PCDHGA9: variants seen among roughly 807,000 people sequenced by gnomAD.
The protein encoded by PCDHGA9 is protocadherin gamma-A9.
In PCDHGA9, 37 loss-of-function variants were observed where a neutral mutation model predicts 62.5. The observed-to-expected ratio is 0.59, with a 90% CI of 0.46 to 0.78. The LOEUF is 0.78. PCDHGA9 is among the 30% of genes least tolerant of loss of function. PCDHGA9 has a pLI of 0.00. For synonymous variants in PCDHGA9, 459 were observed against 484.6 expected (o/e 0.95, Z 0.69); for missense variants, 1,138 against 1,166.2 (o/e 0.98, Z 0.35).
intron 1 of PCDHGA9, chr5:141,424,465 A>G (rs564844819): frequency 1.3e-5 from 2 of 152,146 alleles, no homozygotes; most frequent in Admixed American, 6.5e-5. Context: ...ATTTCCTTTT[A>G]TTCTTTTACT....
intron 2 of PCDHGA9, among the ~76,000 whole-genome samples, chr5:141,501,223 T>G (rs1247662371): frequency 6.6e-6 from 1 of 151,280 alleles, no homozygotes; most frequent in African/African-American, 2.4e-5. Flanking sequence ...CTTCCTAGAT[T>G]TCTCAGTTTT....
In PCDHGA9 at chr5:141,431,304, T is replaced by G. The variant is rs749116196; in HGVS notation, c.2424+25928T>G. The G allele has an allele frequency of 7.4e-6, 12 of 1,614,104 alleles. No individual in the cohort carries two copies. Among genetic ancestry groups the G allele is most frequent in the Non-Finnish European group, 9.3e-6 (11 of 1,180,030 alleles). On this transcript the variant is annotated intron_variant, in intron 1 of 3. Coordinates refer to ENST00000573521, the MANE Select transcript of PCDHGA9 (RefSeq NM_018921.3). The surrounding 1 kb of genome is among the most constrained non-coding windows in gnomAD (Gnocchi z 4.8). ...CCGAACACTCACTTCTCCCTCATCGTGCAAAATGGAGCCGACGGTAGTAAG... is the reference window on the plus strand; with the variant it reads ...CCGAACACTCACTTCTCCCTCATCGGGCAAAATGGAGCCGACGGTAGTAAG...
At chr5:141,421,352 A>T in intron 1 of PCDHGA9, 1 of 1,613,946 alleles carries the variant, frequency 6.2e-7, no homozygotes, top group Non-Finnish European at 8.5e-7. Context: ...GAGACCGAAA[A>T]GGGCTCCTTC....
intron 1 of PCDHGA9, chr5:141,428,912 T>C (rs1010303812): frequency 6.6e-6 from 1 of 151,946 alleles, no homozygotes; most frequent in Non-Finnish European, 1.5e-5. Context: ...TGGAGTGCAG[T>C]GGCATGATCT....
At chr5:141,416,794 G>A (rs1002101061) in intron 1 of PCDHGA9, 1 of 152,070 alleles carries the variant, frequency 6.6e-6, no homozygotes, top group East Asian at 1.9e-4. Flanking sequence ...ACTAAATGTG[G>A]TAGTATAAAG....
chr5:141,420,199 C>T (rs764130526), intron 1 of PCDHGA9: 12 of 1,613,362 alleles, frequency 7.4e-6, no homozygotes, highest in Non-Finnish European at 1.0e-5. Context: ...CACAAGATAA[C>T]CTCAACAAAG....
chr5:141,500,148 G>T (rs936567158), intron 2 of PCDHGA9, among the ~76,000 whole-genome samples: 6 of 150,990 alleles, frequency 4.0e-5, no homozygotes, highest in African/African-American at 1.5e-4. Flanking sequence ...ACTTTTCTTT[G>T]TGTAATCAAA....
intron 1 of PCDHGA9, chr5:141,410,849 C>CTTTTGTTTTTTTTTTTTTTTTTT (rs2095432564): frequency 7.7e-6 from 1 of 129,786 alleles, no homozygotes; most frequent in Non-Finnish European, 1.3e-5. Flanking sequence ...TTGTCTTTGT[C>CTTTTGTTTTTTTTTTTTTTTTTT]TTTTTTTTTT....
At position 141,486,622 on chromosome 5, in the gene PCDHGA9, C is replaced by T. The variant is rs1320329216; in HGVS notation, c.2425-8185C>T. On this transcript the variant is annotated intron_variant, in intron 1 of 3. Coordinates refer to ENST00000573521, the MANE Select transcript of PCDHGA9 (RefSeq NM_018921.3). The surrounding 1 kb of genome is among the most constrained non-coding windows in gnomAD (Gnocchi z 5.0). ...GCTCCCTTGCAGCCTCTGACCCAGACTCTGGCTTGAATGCGCTTATCTCCT... is the reference window on the plus strand; with the variant it reads ...GCTCCCTTGCAGCCTCTGACCCAGATTCTGGCTTGAATGCGCTTATCTCCT... 6.2e-7 allele frequency: 1 copy of T among 1,613,574 alleles called. No individual in the cohort carries two copies. The highest frequency in any genetic ancestry group is 8.5e-7 in the Non-Finnish European group (1 of 1,180,042).
chr5:141,498,994 AAGG>A (rs1310594976), intron 2 of PCDHGA9, among the ~76,000 whole-genome samples: 4 of 148,560 alleles, frequency 2.7e-5, no homozygotes, highest in Non-Finnish European at 4.5e-5. Flanking sequence ...GGAAGGAAGG[AAGG>A]AAGGAAGGAA....
chr5:141,419,769 C>T (rs773303779), intron 1 of PCDHGA9: 6 of 1,613,888 alleles, frequency 3.7e-6, no homozygotes, highest in Non-Finnish European at 4.2e-6. Context: ...GACAAGGACT[C>T]GGTCCGCCAG....
At chr5:141,483,972 A>G in intron 1 of PCDHGA9, among the ~76,000 whole-genome samples, 1 of 83,960 alleles carries the variant, frequency 1.2e-5, no homozygotes, top group Admixed American at 1.8e-4. Context: ...TGCTTGTGCA[A>G]GGGAGTAGCT....
intron 1 of PCDHGA9, among the ~76,000 whole-genome samples, chr5:141,483,526 G>A (rs2099582495): frequency 6.6e-6 from 1 of 152,118 alleles, no homozygotes; most frequent in African/African-American, 2.4e-5. Flanking sequence ...TCCTGACTAA[G>A]GAAGCTGGGT....
rs1264759473 is a variant in PCDHGA9 at position 141,486,183 on chromosome 5, G to A, written c.2425-8624G>A. On this transcript the variant is annotated intron_variant, in intron 1 of 3. Transcript: ENST00000573521. The surrounding 1 kb of genome is among the most constrained non-coding windows in gnomAD (Gnocchi z 5.0). The stretch of plus-strand genomic sequence containing the variant: ...GCCATGGAGCAACATTGCAGCCTTC[G>A]AGTGGATCTGCTGGACGTAAATGAC... 3 of 1,614,154 alleles carry A rather than the reference G, an allele frequency of 1.9e-6. No homozygotes were observed. The highest frequency in any genetic ancestry group is 1.1e-5 in the South Asian group (1 of 91,082).
intron 1 of PCDHGA9, chr5:141,415,029 G>T (rs777967290): frequency 8.1e-6 from 13 of 1,613,554 alleles, no homozygotes; most frequent in Non-Finnish European, 1.0e-5. Context: ...CCAGCGAGCC[G>T]GGACTCTTCG....
Position 141,477,691 on chromosome 5 carries a change from A to G in PCDHGA9, c.2425-17116A>G, listed in dbSNP as rs1315811441. 6.2e-7 allele frequency: 1 copy of G among 1,614,188 alleles called. No homozygotes were observed. Among genetic ancestry groups the G allele is most frequent in the South Asian group, 1.1e-5 (1 of 91,090 alleles). On this transcript the variant is annotated intron_variant, in intron 1 of 3. Coordinates refer to ENST00000573521, the MANE Select transcript of PCDHGA9 (RefSeq NM_018921.3). This position sits in a 1 kb window ranked among gnomAD's most constrained non-coding sequence, Gnocchi z 4.9. ...GCATAGTGTCATCCTTAGTGCCCCT[A>G]GACTATGAGGATCGGCGGGAATTTG...
chr5:141,425,566 G>T (rs532293951), intron 1 of PCDHGA9, among the ~76,000 whole-genome samples: 1 of 152,348 alleles, frequency 6.6e-6, no homozygotes, highest in Admixed American at 6.5e-5. Context: ...TAAGTGATAA[G>T]AAGGGTTTGG....
At chr5:141,418,441 A>G (rs2096258419) in intron 1 of PCDHGA9, 3 of 1,614,000 alleles carry the variant, frequency 1.9e-6, no homozygotes, top group South Asian at 1.1e-5. Flanking sequence ...ATCCAGAATT[A>G]GTATTGCAGA....
chr5:141,404,906 C>G lies in PCDHGA9; in HGVS notation c.1954C>G (p.Pro652Ala). Residue 652 changes from proline to alanine, a missense_variant, in exon 1 of 4, where the codon CCC becomes GCC. Coordinates refer to ENST00000573521, the MANE Select transcript of PCDHGA9 (RefSeq NM_018921.3). ...GGTGGCTGTACAGGACCATGGCCAG[C>G]CCCCTCTCTCGGCCACTGTCACGCT... is the stretch of plus-strand genomic sequence containing the variant. ...LVVAVQDHGQ[P>A]PLSATVTLTV... is the part of the protein sequence containing the mutation. The G allele has an allele frequency of 5.0e-6, 8 of 1,613,864 alleles. No homozygotes were observed. Among genetic ancestry groups the G allele is most frequent in the Non-Finnish European group, 5.1e-6 (6 of 1,179,858 alleles).
Sources: gnomAD v4.1 joint callset for allele counts (sites outside exome capture counted in the v4.1 genomes callset) on GRCh38, gnomAD v4.1.1 for gene constraint, Gnocchi (gnomAD v3.1) non-coding constraint, MANE v1.5 for transcripts, NCBI Gene and HGNC (gene_info 2026-07-23, HGNC 2026-07-21) for gene names.